Variants in SP140 observed in about 807,000 individuals in gnomAD.
The protein encoded by SP140 is SP140 nuclear body protein.
SP140 carries 81 observed loss-of-function variants against 125.0 expected under a neutral mutation model. The observed-to-expected ratio is 0.65, with a 90% CI of 0.54 to 0.78. The LOEUF is 0.78. Among genes scored for constraint, SP140 ranks in the 30% least tolerant of loss-of-function variants. SP140 has a pLI of 0.00. For synonymous variants in SP140, 312 were observed against 354.0 expected (o/e 0.88, Z 1.33); for missense variants, 858 against 1,037.0 (o/e 0.83, Z 2.37).
At chr2:230,258,894 T>C (rs1200071410) in intron 12 of SP140, among the ~76,000 whole-genome samples, 1 of 151,158 alleles carries the variant, frequency 6.6e-6, no homozygotes, top group Admixed American at 6.6e-5. Context: ...TGCAGCAAGC[T>C]GCACTTTTTT....
upstream of SP140, among the ~76,000 whole-genome samples, chr2:230,222,307 T>C (rs2045890170): frequency 6.6e-6 from 1 of 152,100 alleles, no homozygotes; most frequent in Non-Finnish European, 1.5e-5. Flanking sequence ...CACATGCTAG[T>C]GATTATGTAC....
intron 22 of SP140, among the ~76,000 whole-genome samples, chr2:230,305,665 G>T (rs576787827): frequency 6.6e-6 from 1 of 152,252 alleles, no homozygotes; most frequent in Non-Finnish European, 1.5e-5. Context: ...CACACGTAGC[G>T]TGGGGGTCGG....
At chr2:230,245,132 C>T (rs1296828137) in intron 6 of SP140, 52 bp downstream of exon 6, 2 of 1,198,566 alleles carry the variant, frequency 1.7e-6, no homozygotes, top group Non-Finnish European at 2.5e-6. Flanking sequence ...TGGCCTATCT[C>T]TATGCAACCA....
rs758269661 is a variant in SP140 at position 230,285,733 on chromosome 2, T to C, written c.1565-19T>C. On this transcript the variant is annotated intron_variant, in intron 16 of 26. Coordinates refer to ENST00000392045, the MANE Select transcript of SP140 (RefSeq NM_007237.5). ...TTCTGCCCAGTTCTATTAATACATT[T>C]TCCCCTGCCTATCCCCAGATAATAG... 1.2e-6 allele frequency: 2 copies of C among 1,602,100 alleles called. No homozygotes were observed. The highest frequency in any genetic ancestry group is 2.2e-5 in the South Asian group (2 of 90,752).
intron 12 of SP140, among the ~76,000 whole-genome samples, chr2:230,268,385 G>A (rs545336699): frequency 3.9e-5 from 6 of 152,140 alleles, no homozygotes; most frequent in Admixed American, 1.3e-4. Context: ...TTAGCCAGGC[G>A]TGGTGGCAGG....
rs186449912 is a variant in SP140, at chr2:230,309,980, C to T, written c.2115C>T (p.Cys705=). The change falls in exon 23 of 27, where the codon TGC becomes TGT. Residue 705 remains cysteine, a synonymous_variant. Transcript: ENST00000392045. ...VCRDGGELFC[C]DTCSRVFHED... ...GGGACGGAGGGGAGCTGTTCTGTTG[C>T]GACACTTGTTCAAGAGTCTTCCATG... The T allele has an allele frequency of 2.4e-4, 380 of 1,614,124 alleles. No homozygotes were observed. Among genetic ancestry groups the T allele is most frequent in the African/African-American group, 5.9e-4 (44 of 75,026 alleles).
At chr2:230,210,066 A>G (rs529371678) in intron 1 of SP140, 2 of 1,054,292 alleles carry the variant, frequency 1.9e-6, no homozygotes, top group Admixed American at 3.4e-5. Context: ...GAAAGTGCTG[A>G]GGGAAGTCAA....
At chr2:230,233,887 A>C (rs763391184) in intron 1 of SP140, among the ~76,000 whole-genome samples, 1 of 152,246 alleles carries the variant, frequency 6.6e-6, no homozygotes, top group Non-Finnish European at 1.5e-5. Context: ...GAGAATGAGA[A>C]AGATAAAGGG....
chr2:230,242,206 G>T (rs2048821636), intron 4 of SP140, among the ~76,000 whole-genome samples: 1 of 152,068 alleles, frequency 6.6e-6, no homozygotes, highest in Non-Finnish European at 1.5e-5. Flanking sequence ...ACCAAGAAAT[G>T]GGGAAAGTAG....
intron 22 of SP140, among the ~76,000 whole-genome samples, chr2:230,306,566 A>G (rs931563526): frequency 6.6e-6 from 1 of 152,202 alleles, no homozygotes; most frequent in African/African-American, 2.4e-5. Flanking sequence ...ACCTGCCAGA[A>G]CAGAAGCTTC....
chr2:230,309,934 T>C lies in SP140; in HGVS notation c.2069T>C (p.Leu690Pro). ...NSSVDPCMRNLDECEVCRDGG... is the reference protein window; with the variant it reads ...NSSVDPCMRNPDECEVCRDGG... ...TGTTTTATCTTCTAGATGAGAAACC[T>C]GGATGAGTGTGAGGTGTGCCGGGAC... The change falls in exon 23 of 27, where the codon CTG becomes CCG. Residue 690 changes from leucine (L) to proline (P), a missense_variant. Physicochemically the swap from Leu to Pro is moderately conservative, Grantham distance 98. This residue lies in a region of SP140 where 791 missense variants were observed against 869.5 expected (regional missense o/e 0.91). Coordinates refer to ENST00000392045, the MANE Select transcript of SP140 (RefSeq NM_007237.5). 6.2e-7 allele frequency: 1 copy of C among 1,613,838 alleles called. No homozygotes were observed. Among genetic ancestry groups the C allele is most frequent in the Non-Finnish European group, 8.5e-7 (1 of 1,180,006 alleles).
chr2:230,308,685 A>G (rs953585207), intron 22 of SP140, among the ~76,000 whole-genome samples: 6 of 152,216 alleles, frequency 3.9e-5, no homozygotes, highest in African/African-American at 4.8e-5. Context: ...GAATAATTCC[A>G]TGGCTGGCAG....
chr2:230,212,520 A>G (rs2044606499), intron 1 of SP140: 1 of 1,147,864 alleles, frequency 8.7e-7, no homozygotes, highest in African/African-American at 1.5e-5. Flanking sequence ...CAGATAGAGC[A>G]TCAAGGCACA....
At position 230,245,957 on chromosome 2, in the gene SP140, T is replaced by C. The variant is rs761433295; in HGVS notation, c.742+17T>C. 14 of 1,479,720 alleles carry C rather than the reference T, an allele frequency of 9.5e-6. No homozygotes were observed. The Admixed American group carries it at 1.3e-4, about 14-fold the overall frequency. The allele number at this position is 1,479,720 out of a possible 1,614,324, so 91.7% of individuals were successfully genotyped here. ...ATACAGAAGGTAATTAGGATTTAAA[T>C]TAAAGCTTTATTTTTCTGTCAACAT... On this transcript the variant is annotated intron_variant, in intron 7 of 26. Transcript: ENST00000392045.
chr2:230,238,466 A>G (rs1407239379), intron 3 of SP140, 85 bp downstream of exon 3: 5 of 1,360,786 alleles, frequency 3.7e-6, no homozygotes, highest in East Asian at 4.7e-5. Context: ...CATATTTGAC[A>G]AATATTTGAC....
intron 3 of SP140, chr2:230,219,843 G>A (rs200298656): frequency 7.8e-6 from 7 of 899,922 alleles, no homozygotes; most frequent in African/African-American, 1.8e-5. Flanking sequence ...CACCAAGAGC[G>A]AAGAATAAAG....
At chr2:230,208,097 T>C in intron 1 of SP140, 2 of 1,143,278 alleles carry the variant, frequency 1.7e-6, no homozygotes, top group Admixed American at 1.7e-5. Context: ...TTACAAACAT[T>C]GATCTCCCAA....
At chr2:230,232,070 C>T (rs1252954545) in intron 1 of SP140, among the ~76,000 whole-genome samples, 1 of 152,114 alleles carries the variant, frequency 6.6e-6, no homozygotes, top group Non-Finnish European at 1.5e-5. Context: ...TGGTAGTCAC[C>T]CTTCCCCTAG....
chr2:230,238,781 G>A, intron 3 of SP140: 1 of 1,552,506 alleles, frequency 6.4e-7, no homozygotes. Flanking sequence ...ATCCAGTGCA[G>A]TCCTGTGTCA....
Sources: allele counts gnomAD v4.1 joint callset (sites outside exome capture counted in the v4.1 genomes callset), GRCh38; gene constraint gnomAD v4.1.1; regional missense constraint gnomAD v4.1.1; transcripts MANE v1.5; gene names NCBI Gene and HGNC (gene_info 2026-07-23, HGNC 2026-07-21).